The following TPD52L1 variants were observed in gnomAD, a reference collection of about 807,000 sequenced individuals.
TPD52L1 encodes TPD52 like 1.
Under a neutral mutation model 28.7 loss-of-function variants are expected in TPD52L1, and 18 were observed. That is an observed-to-expected ratio of 0.63 (90% CI 0.43 to 0.93). The LOEUF (loss-of-function observed/expected upper bound fraction) is 0.93, where lower values mean the gene tolerates loss of function less well. Ranked by LOEUF, TPD52L1 falls within the 40% of genes least tolerant of loss-of-function variation. The pLI is 0.00. For synonymous variants in TPD52L1, 75 were observed against 88.8 expected (o/e 0.84, Z 0.88); for missense variants, 203 against 254.8 (o/e 0.80, Z 1.39).
intron 1 of TPD52L1, among the ~76,000 whole-genome samples, chr6:125,155,171 C>T (rs937745751): frequency 6.6e-6 from 1 of 152,234 alleles, no homozygotes; most frequent in Non-Finnish European, 1.5e-5. Flanking sequence ...AATGATAATT[C>T]AACCAAGGGT....
At chr6:125,194,862 A>G (rs1482561374) in intron 1 of TPD52L1, among the ~76,000 whole-genome samples, 2 of 152,204 alleles carry the variant, frequency 1.3e-5, no homozygotes, top group African/African-American at 4.8e-5. Flanking sequence ...AACCTAAAAT[A>G]ATCAAAAGGG....
At chr6:125,227,993 C>G (rs965465054) in intron 2 of TPD52L1, among the ~76,000 whole-genome samples, 1 of 152,138 alleles carries the variant, frequency 6.6e-6, no homozygotes, top group African/African-American at 2.4e-5. Flanking sequence ...ATAAACAACA[C>G]ACTTTGGCAT....
At chr6:125,226,497 CCCCT>C (rs2114980022) in intron 2 of TPD52L1, among the ~76,000 whole-genome samples, 1 of 152,144 alleles carries the variant, frequency 6.6e-6, no homozygotes, top group East Asian at 1.9e-4. Context: ...TAATCCACAG[CCCCT>C]CGTGGTTTTT....
intron 1 of TPD52L1, among the ~76,000 whole-genome samples, chr6:125,196,475 C>T (rs1399029786): frequency 6.6e-6 from 1 of 152,196 alleles, no homozygotes; most frequent in Non-Finnish European, 1.5e-5. Flanking sequence ...ATTGTCGTGG[C>T]TCCTGTCTCA....
At chr6:125,203,771 C>A (rs1005907779) in intron 1 of TPD52L1, 1 of 985,422 alleles carries the variant, frequency 1.0e-6, no homozygotes, top group East Asian at 1.1e-4. Flanking sequence ...GAGGAACCAC[C>A]CCATCTGTAA....
rs928248728 is a variant in TPD52L1, at chr6:125,153,795, C to A, written c.-157C>A. ...ACCAGAAGCGGCTAGTGGCGGCTGC[C>A]TGCGTCCCCAACCCCCTCCGCGCAG... On this transcript the variant is annotated 5_prime_UTR_variant, in exon 1 of 7. It adds an upstream start codon to the 5' untranslated region. Coordinates refer to ENST00000534000, the MANE Select transcript of TPD52L1 (RefSeq NM_003287.4). 29 of 774,806 alleles carry A rather than the reference C, an allele frequency of 3.7e-5. No individual in the cohort carries two copies. The highest frequency in any genetic ancestry group is 5.4e-5 in the Non-Finnish European group (28 of 519,122). The allele number at this position is 774,806 out of a possible 1,614,324, so 48.0% of individuals were successfully genotyped here. A position where few individuals can be genotyped will look rare whatever the true frequency, so the allele number is the denominator to read the frequency against.
intron 1 of TPD52L1, among the ~76,000 whole-genome samples, chr6:125,218,079 C>T (rs2114955447): frequency 6.6e-6 from 1 of 152,252 alleles, no homozygotes; most frequent in East Asian, 1.9e-4. Context: ...ATCTAATGCT[C>T]ATGTAGGTTG....
chr6:125,232,030 G>A (rs6923152), intron 3 of TPD52L1, among the ~76,000 whole-genome samples: 10,172 of 152,196 alleles, frequency 0.067, 530 homozygotes, highest in African/African-American at 0.14. Flanking sequence ...TTTTGGCTCC[G>A]TAAAGTCTGA....
chr6:125,239,388 C>A (rs990642286), intron 3 of TPD52L1, among the ~76,000 whole-genome samples: 1 of 152,268 alleles, frequency 6.6e-6, no homozygotes, highest in African/African-American at 2.4e-5. Context: ...TTCCACATGG[C>A]TGGGAATGCC....
chr6:125,158,056 G>C (rs1319212457), intron 1 of TPD52L1, among the ~76,000 whole-genome samples: 1 of 152,014 alleles, frequency 6.6e-6, no homozygotes, highest in African/African-American at 2.4e-5. Context: ...TTTCTGTTCT[G>C]TTCGCATCAA....
intron 3 of TPD52L1, among the ~76,000 whole-genome samples, chr6:125,240,143 G>T (rs898553951): frequency 6.6e-6 from 1 of 152,018 alleles, no homozygotes; most frequent in Non-Finnish European, 1.5e-5. Context: ...GTAAGTATTG[G>T]CTTCATTTCT....
At chr6:125,166,205 T>C (rs1383813550) in intron 1 of TPD52L1, among the ~76,000 whole-genome samples, 1 of 152,210 alleles carries the variant, frequency 6.6e-6, no homozygotes, top group East Asian at 1.9e-4. Flanking sequence ...TCTCTTCAGA[T>C]CTCTCAGTTT....
At chr6:125,198,238 A>C (rs1793573132) in intron 1 of TPD52L1, among the ~76,000 whole-genome samples, 1 of 152,328 alleles carries the variant, frequency 6.6e-6, no homozygotes, top group South Asian at 2.1e-4. Context: ...AGGTTCTTAC[A>C]GTGCTCTAAA....
chr6:125,258,969 T>G (rs555731959), intron 6 of TPD52L1, among the ~76,000 whole-genome samples: 1 of 152,368 alleles, frequency 6.6e-6, no homozygotes, highest in Non-Finnish European at 1.5e-5. Context: ...AACCTCCCAC[T>G]TCCTAAATAA....
At chr6:125,197,498 T>C (rs74487959) in intron 1 of TPD52L1, among the ~76,000 whole-genome samples, 7,659 of 152,114 alleles carry the variant, frequency 0.05, 615 homozygotes, top group African/African-American at 0.17. Context: ...TTTAGGGAAA[T>C]GTTTGCCCCC....
intron 5 of TPD52L1, among the ~76,000 whole-genome samples, chr6:125,256,566 A>C (rs889755209): frequency 2.0e-5 from 3 of 152,232 alleles, no homozygotes; most frequent in Non-Finnish European, 4.4e-5. Context: ...TTTTTAAGGC[A>C]TGGAAAAGAA....
intron 1 of TPD52L1, among the ~76,000 whole-genome samples, chr6:125,193,207 A>C (rs1026778646): frequency 3.3e-5 from 5 of 152,070 alleles, no homozygotes; most frequent in Admixed American, 3.3e-4. Context: ...CTTGATTTTC[A>C]AGTTGGGGGG....
rs554650203 is a variant in TPD52L1, at chr6:125,209,545, C to T, written c.20-10533C>T. ...TTCCAGGTAAACTATTGAAAGGCCACATCTTAATTACCAGACCTATCTTCA... is the reference window on the plus strand; with the variant it reads ...TTCCAGGTAAACTATTGAAAGGCCATATCTTAATTACCAGACCTATCTTCA... On this transcript the variant is annotated intron_variant, in intron 1 of 6. Coordinates refer to ENST00000534000, the MANE Select transcript of TPD52L1 (RefSeq NM_003287.4). Among the ~76,000 whole-genome samples the T allele has an allele frequency of 6.0e-4, 92 of 152,328 alleles. 3 individuals are homozygous for T. Among genetic ancestry groups the T allele is most frequent in the African/African-American group, 2.1e-3 (87 of 41,566 alleles).
At chr6:125,220,824 A>G (rs554534625) in intron 2 of TPD52L1, among the ~76,000 whole-genome samples, 5 of 152,288 alleles carry the variant, frequency 3.3e-5, no homozygotes, top group African/African-American at 4.8e-5. Context: ...TTTGCTTGCA[A>G]TACCCACTTT....
Sources: gnomAD v4.1 joint callset for allele counts (sites outside exome capture counted in the v4.1 genomes callset) on GRCh38, gnomAD v4.1.1 for gene constraint, MANE v1.5 for transcripts, NCBI Gene and HGNC (gene_info 2026-07-23, HGNC 2026-07-21) for gene names.